CCDC80: variants seen among roughly 807,000 people sequenced by gnomAD.
CCDC80 encodes the protein coiled-coil domain containing 80.
In CCDC80, 49 loss-of-function variants were observed where a neutral mutation model predicts 78.7. That is an observed-to-expected ratio of 0.62 (90% CI 0.50 to 0.79). The LOEUF (loss-of-function observed/expected upper bound fraction) is 0.79. CCDC80 is among the 30% of genes least tolerant of loss of function. The probability of loss-of-function intolerance (pLI) is 0.00; values close to 1 mark genes in which losing one functional copy is unlikely to be tolerated. For missense variants in CCDC80, 1,205 were observed against 1,198.6 expected, an observed-to-expected ratio of 1.01 and a Z score of -0.08; for synonymous variants, 488 against 447.0, an observed-to-expected ratio of 1.09 and a Z score of -1.16.
chr3:112,625,015 G>A (rs886358182), intron 3 of CCDC80, among the ~76,000 whole-genome samples: 2 of 152,100 alleles, frequency 1.3e-5, no homozygotes, highest in Non-Finnish European at 2.9e-5. Flanking sequence ...AGTAGAAAGG[G>A]GAGGTGGGAG....
At position 112,619,063 on chromosome 3, in the gene CCDC80, C is replaced by T; in HGVS notation, c.2077G>A (p.Val693Ile). Residue 693 changes from valine (V) to isoleucine (I), a missense_variant, in exon 4 of 8, where the codon GTA becomes ATA. Physicochemically the swap from Val to Ile is conservative, Grantham distance 29 (BLOSUM62 3). Transcript: ENST00000206423. ...AGCTCGCTGATGAGACGCTGGTCTACCAAGTCTTCATCATCCACCACTCGC... is the reference window on the plus strand; with the variant it reads ...AGCTCGCTGATGAGACGCTGGTCTATCAAGTCTTCATCATCCACCACTCGC... ...PMRVVDDEDLVDQRLISELRK... is the reference protein window; with the variant it reads ...PMRVVDDEDLIDQRLISELRK... 6.2e-7 allele frequency: 1 copy of T among 1,607,080 alleles called. No homozygotes were observed. The highest frequency in any genetic ancestry group is 8.5e-7 in the Non-Finnish European group (1 of 1,177,800).
At chr3:112,627,899 A>G (rs1936010587) in intron 3 of CCDC80, among the ~76,000 whole-genome samples, 1 of 151,254 alleles carries the variant, frequency 6.6e-6, no homozygotes, top group Admixed American at 6.6e-5. Context: ...CAGCCCCTCT[A>G]CAGTTCATAT....
At position 112,638,495 on chromosome 3, in the gene CCDC80, G is replaced by A. The variant is rs769656953; in HGVS notation, c.1411C>T (p.Arg471Trp). ...GRFRDNRMDR[R>W]EHGHRDPNVV... is the part of the protein sequence containing the mutation. ...TTTGGGTCTCGGTGGCCATGTTCCCGCCTGTCCATGCGGTTGTCCCGGAAA... is the reference window on the plus strand; with the variant it reads ...TTTGGGTCTCGGTGGCCATGTTCCCACCTGTCCATGCGGTTGTCCCGGAAA... Residue 471 changes from arginine to tryptophan, a missense_variant, in exon 2 of 8, where the codon CGG becomes TGG. Arg to Trp is a moderately radical substitution (Grantham distance 101). Transcript: ENST00000206423. 1.9e-6 allele frequency: 3 copies of A among 1,611,730 alleles called. No homozygotes were observed. The highest frequency in any genetic ancestry group is 1.3e-5 in the African/African-American group (1 of 74,202).
At chr3:112,607,083 C>T (rs1935528922) in intron 7 of CCDC80, 93 bp downstream of exon 7, 1 of 914,122 alleles carries the variant, frequency 1.1e-6, no homozygotes, top group Non-Finnish European at 1.7e-6. Context: ...ACTTTGTTCA[C>T]CTTAGAGATA....
chr3:112,616,609 C>G (rs1935754118), intron 5 of CCDC80, 101 bp downstream of exon 5: 3 of 1,354,012 alleles, frequency 2.2e-6, no homozygotes, highest in Admixed American at 1.9e-5. Flanking sequence ...GAGGATTACT[C>G]TCTGTAAACA....
At chr3:112,634,647 T>C (rs1194410875) in intron 2 of CCDC80, among the ~76,000 whole-genome samples, 1 of 152,214 alleles carries the variant, frequency 6.6e-6, no homozygotes, top group East Asian at 1.9e-4. Flanking sequence ...TTACCACTTA[T>C]CTGGGTGACT....
intron 4 of CCDC80, 41 bp from the exon 5 acceptor site, chr3:112,616,899 A>C: frequency 6.3e-7 from 1 of 1,598,670 alleles, no homozygotes; most frequent in Admixed American, 1.7e-5. Context: ...GTACAAGTGC[A>C]TTTCTTCTCT....
Position 112,631,181 on chromosome 3 carries a change from A to G in CCDC80, c.1879-912T>C, listed in dbSNP as rs1576792850. Reference sequence around the variant, plus strand: ...TCACTATTTTTATCTAACCTAATACAAAAGCTTCTCTACTCTCTTGATTAA... The same window carrying G: ...TCACTATTTTTATCTAACCTAATACGAAAGCTTCTCTACTCTCTTGATTAA... On this transcript the variant is annotated intron_variant, in intron 2 of 7. Transcript: ENST00000206423. 2.0e-5 allele frequency among the ~76,000 whole-genome samples: 3 copies of G among 152,306 alleles called. No homozygotes were observed. The East Asian group carries it at 5.8e-4, about 29-fold the overall frequency.
At chr3:112,631,894 T>G (rs1489831918) in intron 2 of CCDC80, among the ~76,000 whole-genome samples, 1 of 152,204 alleles carries the variant, frequency 6.6e-6, no homozygotes, top group Non-Finnish European at 1.5e-5. Flanking sequence ...TTTGTTTTGT[T>G]TTGTTTTTCA....
chr3:112,630,018 A>C, intron 3 of CCDC80, 95 bp downstream of exon 3: 1 of 1,193,908 alleles, frequency 8.4e-7, no homozygotes, highest in Non-Finnish European at 1.2e-6. Flanking sequence ...GAACATCTTC[A>C]TTTTCTTTTG....
At chr3:112,634,481 G>A (rs1240404257) in intron 2 of CCDC80, among the ~76,000 whole-genome samples, 1 of 151,978 alleles carries the variant, frequency 6.6e-6, no homozygotes, top group South Asian at 2.1e-4. Context: ...TCTCACTATC[G>A]TCAACCTCAA....
intron 4 of CCDC80, among the ~76,000 whole-genome samples, chr3:112,617,869 A>C (rs1233035317): frequency 6.6e-6 from 1 of 152,266 alleles, no homozygotes. Context: ...AGAAGTATTA[A>C]GATAAACTTT....
chr3:112,606,398 T>TTTTG (rs1935497007), intron 7 of CCDC80, among the ~76,000 whole-genome samples: 1 of 147,818 alleles, frequency 6.8e-6, no homozygotes, highest in Non-Finnish European at 1.5e-5. Context: ...CAAGAGTCTT[T>TTTTG]TTTTGTTTTG....
chr3:112,639,469 G>A lies in CCDC80; in HGVS notation c.437C>T (p.Ala146Val). 1 of 1,614,166 alleles carries A rather than the reference G, an allele frequency of 6.2e-7. No homozygotes were observed. The highest frequency in any genetic ancestry group is 1.1e-5 in the South Asian group (1 of 91,076). The change falls in exon 2 of 8, where the codon GCA becomes GTA. Residue 146 changes from alanine (A) to valine (V), a missense_variant. Coordinates refer to ENST00000206423, the MANE Select transcript of CCDC80 (RefSeq NM_199511.3). ...GATGACCCATACTCTGTTCTTCCCT[G>A]CAAAGCTGGCAAGGATGTTGGGAGA... ...SSSPNILASFAGKNRVWVISA... is the reference protein window; with the variant it reads ...SSSPNILASFVGKNRVWVISA...
intron 3 of CCDC80, among the ~76,000 whole-genome samples, chr3:112,626,617 G>C (rs902473207): frequency 4.0e-5 from 6 of 151,862 alleles, no homozygotes; most frequent in African/African-American, 1.5e-4. Context: ...GCATAATCTT[G>C]GCTCACTGCA....
chr3:112,621,789 G>GGTTGTGTAGTA (rs1392564484), intron 3 of CCDC80, among the ~76,000 whole-genome samples: 1 of 152,106 alleles, frequency 6.6e-6, no homozygotes, highest in Non-Finnish European at 1.5e-5. Flanking sequence ...CCTACCATAG[G>GGTTGTGTAGTA]ACAGCTCACA....
intron 3 of CCDC80, among the ~76,000 whole-genome samples, chr3:112,624,505 G>A (rs1935927121): frequency 6.6e-6 from 1 of 152,096 alleles, no homozygotes; most frequent in African/African-American, 2.4e-5. Flanking sequence ...GATTGGAAAT[G>A]GATAAGTTTA....
At position 112,638,538 on chromosome 3, in the gene CCDC80, C is replaced by T. The variant is rs370640914; in HGVS notation, c.1368G>A (p.Arg456=). ...PPTTISEPST[R]AAGPGRFRDN... The stretch of plus-strand genomic sequence containing the variant: ...CCCGGAAACGGCCTGGGCCAGCAGC[C>T]CTTGTGCTGGGTTCTGAGATGGTGG... Residue 456 remains arginine, a synonymous_variant, in exon 2 of 8, where the codon AGG becomes AGA. Transcript: ENST00000206423. The T allele has an allele frequency of 1.4e-5, 23 of 1,613,760 alleles. No individual in the cohort carries two copies. The highest frequency in any genetic ancestry group is 1.9e-5 in the Non-Finnish European group (22 of 1,179,994).
rs1935297568 is a variant in CCDC80, at chr3:112,597,250, G to T, written c.*8167C>A. 6.6e-6 allele frequency: 1 copy of T among 152,100 alleles called. No homozygotes were observed. The highest frequency in any genetic ancestry group is 1.5e-5 in the Non-Finnish European group (1 of 68,018). The allele number at this position is 152,100 out of a possible 1,614,324, so 9.4% of individuals were successfully genotyped here. A position where few individuals can be genotyped will look rare whatever the true frequency, so the allele number is the denominator to read the frequency against. ...CATAGTCTTCATATACCTTTACCAC[G>T]CCTCCTTCCTCCAATTAGGAAGCTA... On this transcript the variant is annotated 3_prime_UTR_variant, in exon 8 of 8. Coordinates refer to ENST00000206423, the MANE Select transcript of CCDC80 (RefSeq NM_199511.3).
Sources: allele counts gnomAD v4.1 joint callset (sites outside exome capture counted in the v4.1 genomes callset), GRCh38; gene constraint gnomAD v4.1.1; transcripts MANE v1.5; gene names NCBI Gene and HGNC (gene_info 2026-07-23, HGNC 2026-07-21).